Variants in BABAM2 observed in about 807,000 individuals in gnomAD.
BABAM2 encodes BRISC and BRCA1 A complex member 2.
In BABAM2, 31 loss-of-function variants were observed where a neutral mutation model predicts 54.7. The ratio of observed to expected loss-of-function variants is 0.57; its 90% CI spans 0.43 to 0.77. The LOEUF is 0.77. Among genes scored for constraint, BABAM2 ranks in the 30% least tolerant of loss-of-function variants. The pLI is 0.00. For missense variants in BABAM2, 364 were observed against 455.8 expected, an observed-to-expected ratio of 0.80 and a Z score of 1.83; for synonymous variants, 167 against 162.9, an observed-to-expected ratio of 1.03 and a Z score of -0.19.
At chr2:27,892,332 A>G (rs1389432637) in intron 1 of BABAM2, 1 of 152,230 alleles carries the variant, frequency 6.6e-6, no homozygotes, top group Non-Finnish European at 1.5e-5. Context: ...ATGCCTGATA[A>G]TGGGTAGATA....
At chr2:28,260,022 T>A (rs1684351046) in intron 10 of BABAM2, among the ~76,000 whole-genome samples, 1 of 152,042 alleles carries the variant, frequency 6.6e-6, no homozygotes, top group Admixed American at 6.6e-5. Context: ...TGCCTCAGCC[T>A]CTCAAGTAGC....
rs1351690841 is a variant in BABAM2, at chr2:27,928,257, G to A, written c.129-1575G>A. ...TCTCCATCTCGTGACCTCGTGATCC[G>A]CCTGCCTCAGCCTCCCAAAGGGCTG... On this transcript the variant is annotated intron_variant, in intron 2 of 11. Coordinates refer to ENST00000379624, the MANE Select transcript of BABAM2 (RefSeq NM_199191.3). Among the ~76,000 whole-genome samples, 8 of 151,790 alleles carry A rather than the reference G, an allele frequency of 5.3e-5. No homozygotes were observed. The East Asian group carries it at 9.7e-4, about 18-fold the overall frequency.
chr2:28,189,063 TG>T (rs1676625293), intron 7 of BABAM2, among the ~76,000 whole-genome samples: 1 of 152,036 alleles, frequency 6.6e-6, no homozygotes. Flanking sequence ...TAGCTGGGGA[TG>T]GTGGTGCGTG....
chr2:28,129,238 G>A (rs766330226), intron 6 of BABAM2, 33 bp from the exon 7 acceptor site: 3 of 1,555,826 alleles, frequency 1.9e-6, no homozygotes, highest in South Asian at 1.1e-5. Flanking sequence ...AGGAGAACAG[G>A]TGCTGATGTT....
intron 6 of BABAM2, among the ~76,000 whole-genome samples, chr2:28,084,698 G>A (rs149855161): frequency 1.1e-4 from 17 of 152,248 alleles, no homozygotes; most frequent in Non-Finnish European, 1.8e-4. Context: ...TCCATGGAAT[G>A]AATCCAGGGA....
At chr2:28,266,075 C>T (rs1404958555) in intron 10 of BABAM2, among the ~76,000 whole-genome samples, 1 of 152,056 alleles carries the variant, frequency 6.6e-6, no homozygotes, top group Non-Finnish European at 1.5e-5. Context: ...ACCTCCACCT[C>T]CTGGATTCAA....
intron 11 of BABAM2, among the ~76,000 whole-genome samples, chr2:28,315,660 T>A (rs535327138): frequency 5.4e-5 from 8 of 148,502 alleles, no homozygotes; most frequent in South Asian, 2.1e-4. Context: ...TTTATTTATT[T>A]TTTATTTTTT....
At position 28,114,223 on chromosome 2, in the gene BABAM2, A is replaced by G. The variant is rs563365546; in HGVS notation, c.571-15048A>G. Among the ~76,000 whole-genome samples, 12 of 152,310 alleles carry G rather than the reference A, an allele frequency of 7.9e-5. No homozygotes were observed. The East Asian group carries it at 2.3e-3, about 29-fold the overall frequency. ...AGAGTATTCAAACAGGAAGAGAGGA[A>G]GTCAAATTACCTCTGTTTGCAGATG... is the stretch of plus-strand genomic sequence containing the variant. On this transcript the variant is annotated intron_variant, in intron 6 of 11. Coordinates refer to ENST00000379624, the MANE Select transcript of BABAM2 (RefSeq NM_199191.3).
At chr2:28,190,723 G>A (rs1030994521) in intron 7 of BABAM2, among the ~76,000 whole-genome samples, 15 of 152,064 alleles carry the variant, frequency 9.9e-5, no homozygotes, top group African/African-American at 3.4e-4. Flanking sequence ...AATCCCATGA[G>A]GGCAGAGCCC....
In BABAM2 at chr2:28,241,406, CT is replaced by C. The variant is rs753768977; in HGVS notation, c.851+14del. ...GTCACTTTGGCACGTAAGTTCTGCC[CT>C]GTTTGAACGATATACCGGTGATGCC... On this transcript the variant is annotated intron_variant, in intron 9 of 11. Transcript: ENST00000379624. 7.3e-5 allele frequency: 117 copies of C among 1,611,786 alleles called. No homozygotes were observed. The highest frequency in any genetic ancestry group is 4.9e-4 in the Middle Eastern group (3 of 6,078).
intron 6 of BABAM2, among the ~76,000 whole-genome samples, chr2:28,103,302 T>TTTTG (rs1418625720): frequency 7.1e-5 from 1 of 14,126 alleles, no homozygotes; most frequent in African/African-American, 3.1e-4. Context: ...TACTTAGTAT[T>TTTTG]TTTGTTTTGT....
intron 7 of BABAM2, among the ~76,000 whole-genome samples, chr2:28,187,886 T>C (rs1484028744): frequency 6.6e-6 from 1 of 152,160 alleles, no homozygotes; most frequent in Admixed American, 6.5e-5. Context: ...CAGACTGGTC[T>C]GGAACTCCTG....
At chr2:27,968,445 TC>T (rs1297448398) in intron 3 of BABAM2, among the ~76,000 whole-genome samples, 4 of 152,212 alleles carry the variant, frequency 2.6e-5, no homozygotes, top group Non-Finnish European at 5.9e-5. Flanking sequence ...GGCAGAAGTT[TC>T]CTGCAGGAGT....
At chr2:27,903,251 C>T (rs1665942671) in intron 2 of BABAM2, among the ~76,000 whole-genome samples, 1 of 152,126 alleles carries the variant, frequency 6.6e-6, no homozygotes, top group Admixed American at 6.5e-5. Context: ...TCCATACTTT[C>T]TTAACTATTA....
intron 2 of BABAM2, among the ~76,000 whole-genome samples, chr2:27,908,502 G>T (rs1666349567): frequency 6.6e-6 from 1 of 152,132 alleles, no homozygotes; most frequent in Non-Finnish European, 1.5e-5. Context: ...CGAACTCTTG[G>T]ACTCAAGCCA....
chr2:28,048,719 T>G (rs1677789632), intron 6 of BABAM2, among the ~76,000 whole-genome samples: 1 of 152,206 alleles, frequency 6.6e-6, no homozygotes, highest in Non-Finnish European at 1.5e-5. Context: ...ACTGGTGTGT[T>G]TATGGGGAGA....
intron 3 of BABAM2, 116 bp downstream of exon 3, chr2:27,930,024 T>G (rs551819910): frequency 1.1e-6 from 1 of 892,166 alleles, no homozygotes; most frequent in African/African-American, 1.7e-5. Context: ...TATTGTTCAC[T>G]AGCATTTACC....
At position 27,898,345 on chromosome 2, in the gene BABAM2, G is replaced by A. The variant is rs114009565; in HGVS notation, c.128+3661G>A. ...TTACTGCTAGGAACAAACACATTAA[G>A]GATTTTCTTCTTTTATTGGAATGGG... On this transcript the variant is annotated intron_variant, in intron 2 of 11. Transcript: ENST00000379624. 5.1e-3 allele frequency among the ~76,000 whole-genome samples: 783 copies of A among 152,214 alleles called. 6 individuals carry two copies. The highest frequency in any genetic ancestry group is 0.018 in the African/African-American group (738 of 41,524).
intron 6 of BABAM2, among the ~76,000 whole-genome samples, chr2:28,048,533 T>C (rs930078142): frequency 6.6e-6 from 1 of 152,170 alleles, no homozygotes; most frequent in Non-Finnish European, 1.5e-5. Flanking sequence ...ATTTTGCAGG[T>C]GGTTGAAATC....
Sources: gnomAD v4.1 joint callset for allele counts (sites outside exome capture counted in the v4.1 genomes callset) on GRCh38, gnomAD v4.1.1 for gene constraint, MANE v1.5 for transcripts, NCBI Gene and HGNC (gene_info 2026-07-23, HGNC 2026-07-21) for gene names.